ARHGAP25: variants seen among roughly 807,000 people sequenced by gnomAD.
ARHGAP25 encodes rho GTPase-activating protein 25.
ARHGAP25 carries 34 observed loss-of-function variants against 71.0 expected under a neutral mutation model. That is an observed-to-expected ratio of 0.48 (90% CI 0.36 to 0.64). The LOEUF (loss-of-function observed/expected upper bound fraction) is 0.64. ARHGAP25 is among the 30% of genes least tolerant of loss of function. ARHGAP25 has a pLI of 0.00. For missense variants in ARHGAP25, 706 were observed against 805.1 expected, an observed-to-expected ratio of 0.88 and a Z score of 1.49; for synonymous variants, 282 against 296.5, an observed-to-expected ratio of 0.95 and a Z score of 0.50.
In ARHGAP25 at chr2:68,818,008, C is replaced by G; in HGVS notation, c.1003+14C>G. 6.2e-7 allele frequency: 1 copy of G among 1,613,718 alleles called. No homozygotes were observed. Among genetic ancestry groups the G allele is most frequent in the Non-Finnish European group, 8.5e-7 (1 of 1,179,860 alleles). On this transcript the variant is annotated intron_variant, in intron 8 of 10. Coordinates refer to ENST00000409202, the MANE Select transcript of ARHGAP25 (RefSeq NM_001007231.3). ...TGATCATGAGAGGTATGGCTGGTCC[C>G]GTAGTGAAAGCAGGTACCCAGGAAA... is the stretch of plus-strand genomic sequence containing the variant.
In ARHGAP25 at chr2:68,771,823, C is replaced by T. The variant is rs140049897; in HGVS notation, c.62-3398C>T. On this transcript the variant is annotated intron_variant, in intron 1 of 10. Transcript: ENST00000409202. ...CAAACTATGGTGGGATGTTAACAGG[C>T]ACTAAAGAAACACTGGTTGGATGTA... Among the ~76,000 whole-genome samples the T allele has an allele frequency of 2.8e-3, 433 of 152,302 alleles. 1 individual carries two copies. The highest frequency in any genetic ancestry group is 0.01 in the African/African-American group (418 of 41,562).
At chr2:68,718,096 TGTTATAAAGG>T (rs1674661783) in intron 2 of ARHGAP25, among the ~76,000 whole-genome samples, 1 of 151,368 alleles carries the variant, frequency 6.6e-6, no homozygotes, top group African/African-American at 2.4e-5. Context: ...CATCAAAGAG[TGTTATAAAGG>T]GTTACAGAGA....
Position 68,745,578 on chromosome 2 carries a change from T to C in ARHGAP25, c.61+10318T>C, listed in dbSNP as rs76314380. On this transcript the variant is annotated intron_variant, in intron 1 of 10. Transcript: ENST00000409202. ...AATCCACCTTCTTAGTGCCTGTAAC[T>C]GGACAGCTGAACATCGCTGGAGAAG... Among the ~76,000 whole-genome samples the C allele has an allele frequency of 4.7e-3, 718 of 152,328 alleles. 7 individuals carry two copies. Among genetic ancestry groups the C allele is most frequent in the African/African-American group, 0.016 (684 of 41,572 alleles).
At chr2:68,738,964 C>T (rs1420215479) in intron 1 of ARHGAP25, among the ~76,000 whole-genome samples, 3 of 152,090 alleles carry the variant, frequency 2.0e-5, no homozygotes, top group Non-Finnish European at 4.4e-5. Flanking sequence ...AATGTCTGTC[C>T]GTAATGTTGC....
chr2:68,822,322 T>TG lies in ARHGAP25; in HGVS notation c.1201-16dup. 2 of 1,604,312 alleles carry TG rather than the reference T, an allele frequency of 1.2e-6. No individual in the cohort carries two copies. Among genetic ancestry groups the TG allele is most frequent in the Non-Finnish European group, 1.7e-6 (2 of 1,174,784 alleles). ...AGGTGAAAACCCCATGTGACATCCA[T>TG]GGCCATTTCTTTTCTAGACAAGCGA... On this transcript the variant is annotated splice_polypyrimidine_tract_variant and intron_variant, in intron 9 of 10. Transcript: ENST00000409202.
chr2:68,739,970 G>T (rs888097475), intron 1 of ARHGAP25, among the ~76,000 whole-genome samples: 4 of 152,116 alleles, frequency 2.6e-5, no homozygotes, highest in Non-Finnish European at 4.4e-5. Flanking sequence ...TCTTCTTTGA[G>T]GGACTGCAGT....
chr2:68,749,712 C>T (rs779458992), intron 1 of ARHGAP25, among the ~76,000 whole-genome samples: 14 of 152,130 alleles, frequency 9.2e-5, no homozygotes, highest in Non-Finnish European at 1.8e-4. Flanking sequence ...AAAAAATTCA[C>T]CTGCTCAGGT....
intron 4 of ARHGAP25, 39 bp from the exon 5 acceptor site, chr2:68,807,234 C>A: frequency 1.9e-6 from 3 of 1,602,864 alleles, no homozygotes; most frequent in Non-Finnish European, 2.6e-6. Flanking sequence ...TCCAAGGAAG[C>A]ACAGAATGAC....
intron 2 of ARHGAP25, among the ~76,000 whole-genome samples, chr2:68,780,150 T>C (rs924971781): frequency 2.6e-5 from 4 of 152,260 alleles, no homozygotes; most frequent in African/African-American, 9.6e-5. Flanking sequence ...CCTCCTAGAC[T>C]TCTTATGAAG....
intron 2 of ARHGAP25, among the ~76,000 whole-genome samples, chr2:68,729,436 C>T (rs1174330109): frequency 6.6e-6 from 1 of 152,064 alleles, no homozygotes; most frequent in Non-Finnish European, 1.5e-5. Flanking sequence ...CAGTGGGCTG[C>T]AAATCAGAAA....
chr2:68,813,462 A>T, intron 6 of ARHGAP25, 43 bp downstream of exon 6: 1 of 1,593,364 alleles, frequency 6.3e-7, no homozygotes. Context: ...GAAGAAAGTG[A>T]TTGGTTTTCT....
intron 2 of ARHGAP25, among the ~76,000 whole-genome samples, chr2:68,716,506 G>T (rs1674611875): frequency 6.6e-6 from 1 of 152,196 alleles, no homozygotes; most frequent in South Asian, 2.1e-4. Context: ...GGGGCTCTCA[G>T]AGCTCCTGAG....
chr2:68,731,995 A>T (rs1675034210), upstream of ARHGAP25, among the ~76,000 whole-genome samples: 1 of 152,178 alleles, frequency 6.6e-6, no homozygotes, highest in Non-Finnish European at 1.5e-5. Context: ...GTCCAGCAAA[A>T]ATTTGGTCCT....
chr2:68,816,026 A>G, intron 6 of ARHGAP25: 1 of 481,054 alleles, frequency 2.1e-6, no homozygotes, highest in Non-Finnish European at 3.8e-6. Flanking sequence ...AGAGTAGCTC[A>G]GGGTCAAGGG....
intron 4 of ARHGAP25, among the ~76,000 whole-genome samples, chr2:68,802,702 G>T (rs1471734974): frequency 1.6e-5 from 1 of 64,088 alleles, no homozygotes; most frequent in Admixed American, 1.9e-4. Flanking sequence ...TGGGAATAGA[G>T]GAGAAAGAGA....
Position 68,822,650 on chromosome 2 carries a change from A to G in ARHGAP25, c.1511A>G (p.Asp504Gly). Residue 504 changes from aspartate (D) to glycine (G), a missense_variant, in exon 10 of 11, where the codon GAT (aspartate) becomes GGT (glycine). Asp to Gly is a moderately conservative substitution (Grantham distance 94, BLOSUM62 -1). Coordinates refer to ENST00000409202, the MANE Select transcript of ARHGAP25 (RefSeq NM_001007231.3). ...GACTCCCAACGGACTTCCACCTACG[A>G]TAACGTCCCTTCCCTGCCAGGGTCC... ...LSDSQRTSTY[D>G]NVPSLPGSPG... 1 of 1,614,154 alleles carries G rather than the reference A, an allele frequency of 6.2e-7. No homozygotes were observed. The highest frequency in any genetic ancestry group is 8.5e-7 in the Non-Finnish European group (1 of 1,180,036).
At chr2:68,735,305 C>G (rs1235289273) in intron 1 of ARHGAP25, 45 bp downstream of exon 1, 1 of 1,567,562 alleles carries the variant, frequency 6.4e-7, no homozygotes, top group African/African-American at 1.4e-5. Flanking sequence ...CTTACGTATA[C>G]TCGAGCACCA....
At position 68,787,869 on chromosome 2, in the gene ARHGAP25, G is replaced by A. The variant is rs768556504; in HGVS notation, c.379G>A (p.Asp127Asn). 1.2e-6 allele frequency: 2 copies of A among 1,614,192 alleles called. No homozygotes were observed. Among genetic ancestry groups the A allele is most frequent in the East Asian group, 4.5e-5 (2 of 44,886 alleles). ...ATGGGACCAGAATCGCATGGGACAG[G>A]ACTCCTATGTCCTCATGGCCAGCTC... ...ASWDQNRMGQDSYVLMASSQA... is the reference protein window; with the variant it reads ...ASWDQNRMGQNSYVLMASSQA... Residue 127 changes from aspartate to asparagine, a missense_variant, in exon 4 of 11, where the codon GAC (aspartate) becomes AAC (asparagine). By Grantham distance (23) the Asp-to-Asn change is conservative. Transcript: ENST00000409202.
chr2:68,806,929 T>C (rs922914788), intron 4 of ARHGAP25, among the ~76,000 whole-genome samples: 1 of 152,190 alleles, frequency 6.6e-6, no homozygotes, highest in Non-Finnish European at 1.5e-5. Context: ...CTCAGTGTCT[T>C]TAACAGTAAG....
Sources: gnomAD v4.1 joint callset for allele counts (sites outside exome capture counted in the v4.1 genomes callset) on GRCh38, gnomAD v4.1.1 for gene constraint, MANE v1.5 for transcripts, NCBI Gene and HGNC (gene_info 2026-07-23, HGNC 2026-07-21) for gene names.